Variants in FAM110B observed in about 807,000 individuals in gnomAD.
FAM110B encodes family with sequence similarity 110 member B.
FAM110B carries 6 observed loss-of-function variants against 20.4 expected under a neutral mutation model. That is an observed-to-expected ratio of 0.29 (90% CI 0.16 to 0.58). The LOEUF (loss-of-function observed/expected upper bound fraction) is 0.58, where lower values mean the gene tolerates loss of function less well. FAM110B is among the 20% of genes least tolerant of loss of function. FAM110B has a pLI of 0.90. For missense variants in FAM110B, 434 were observed against 498.2 expected (o/e 0.87, Z 1.23); for synonymous variants, 226 against 214.1 (o/e 1.06, Z -0.49).
At chr8:57,995,466 T>C (rs1047316019) in intron 1 of FAM110B, among the ~76,000 whole-genome samples, 28 of 152,188 alleles carry the variant, frequency 1.8e-4, no homozygotes, top group Non-Finnish European at 1.9e-4. Context: ...AATTAAATTC[T>C]CCTTGGCTCA....
At chr8:58,113,378 T>TGGGAATGACAG (rs1807113316) in intron 3 of FAM110B, 1 of 217,134 alleles carries the variant, frequency 4.6e-6, no homozygotes, top group Admixed American at 4.2e-5. Context: ...ACCTGCTCAG[T>TGGGAATGACAG]GTAGATGACA....
In FAM110B at chr8:58,018,038, G is replaced by A. The variant is rs1804674533; in HGVS notation, c.-511-13568G>A. Among the ~76,000 whole-genome samples the A allele has an allele frequency of 2.0e-5, 3 of 152,142 alleles. No individual in the cohort carries two copies. The South Asian group carries it at 6.2e-4, about 32-fold the overall frequency. On this transcript the variant is annotated intron_variant, in intron 1 of 3. Transcript: ENST00000519262. Reference sequence around the variant, plus strand: ...TCATTTTATCCCCAAAACCAAAAATGTTATTGTTTTTGTATTTCACAGGGC... The same window carrying A: ...TCATTTTATCCCCAAAACCAAAAATATTATTGTTTTTGTATTTCACAGGGC...
intron 3 of FAM110B, among the ~76,000 whole-genome samples, chr8:58,075,962 A>C (rs527292937): frequency 6.6e-6 from 1 of 152,114 alleles, no homozygotes; most frequent in Non-Finnish European, 1.5e-5. Flanking sequence ...GTTTTAAAGA[A>C]AATTTTATTT....
intron 3 of FAM110B, among the ~76,000 whole-genome samples, chr8:58,125,338 A>G (rs1224200166): frequency 2.0e-5 from 3 of 151,688 alleles, no homozygotes; most frequent in African/African-American, 4.8e-5. Context: ...ACAGAGAAAG[A>G]AAAAAAAAGA....
In FAM110B at chr8:58,037,771, G is replaced by C. The variant is rs1014256686; in HGVS notation, c.-414+6068G>C. Among the ~76,000 whole-genome samples, 13 of 152,026 alleles carry C rather than the reference G, an allele frequency of 8.6e-5. No homozygotes were observed. The East Asian group carries it at 2.3e-3, about 27-fold the overall frequency. Reference sequence around the variant, plus strand: ...TCTCTTTTCAGTGAGTACTGTCTTTGGCAATGTTTTCTGACTTGTTTCCTA... The same window carrying C: ...TCTCTTTTCAGTGAGTACTGTCTTTCGCAATGTTTTCTGACTTGTTTCCTA... On this transcript the variant is annotated intron_variant, in intron 2 of 3. Transcript: ENST00000519262.
intron 3 of FAM110B, among the ~76,000 whole-genome samples, chr8:58,096,299 C>T (rs1299895845): frequency 2.0e-5 from 3 of 152,072 alleles, no homozygotes; most frequent in Non-Finnish European, 4.4e-5. Context: ...CCTCAGTCTC[C>T]CGAGTAGCTG....
intron 1 of FAM110B, among the ~76,000 whole-genome samples, chr8:57,996,745 A>G (rs1161655247): frequency 1.3e-5 from 2 of 152,190 alleles, no homozygotes; most frequent in Admixed American, 6.5e-5. Context: ...CCAATTCCCA[A>G]TGGAAAGAAC....
intron 3 of FAM110B, among the ~76,000 whole-genome samples, chr8:58,079,809 T>C (rs867358835): frequency 8.5e-5 from 13 of 152,112 alleles, no homozygotes; most frequent in African/African-American, 1.7e-4. Context: ...ATTTGACATA[T>C]TAAAATTTTT....
At chr8:58,036,058 G>T (rs1351237241) in intron 2 of FAM110B, among the ~76,000 whole-genome samples, 1 of 152,190 alleles carries the variant, frequency 6.6e-6, no homozygotes, top group Non-Finnish European at 1.5e-5. Context: ...TGTTTCTGCA[G>T]TGGTGACTTG....
intron 2 of FAM110B, among the ~76,000 whole-genome samples, chr8:58,036,226 G>C (rs1004974148): frequency 6.6e-6 from 1 of 152,166 alleles, no homozygotes; most frequent in African/African-American, 2.4e-5. Flanking sequence ...GCTAATTTGG[G>C]ATGAAAACAT....
intron 1 of FAM110B, among the ~76,000 whole-genome samples, chr8:58,028,156 T>C (rs1804889053): frequency 6.6e-6 from 1 of 152,202 alleles, no homozygotes; most frequent in African/African-American, 2.4e-5. Flanking sequence ...CAGGCTGGAG[T>C]GCAGTGCTGC....
intron 3 of FAM110B, among the ~76,000 whole-genome samples, chr8:58,108,693 C>G (rs760276304): frequency 2.0e-5 from 3 of 152,190 alleles, no homozygotes; most frequent in Admixed American, 6.5e-5. Flanking sequence ...CTGTCTCATC[C>G]GGGGGCGGTG....
At chr8:58,092,912 T>C (rs1360146830) in intron 3 of FAM110B, among the ~76,000 whole-genome samples, 1 of 152,202 alleles carries the variant, frequency 6.6e-6, no homozygotes, top group African/African-American at 2.4e-5. Context: ...GTATCTATTG[T>C]TTCCTGATTT....
At chr8:58,106,384 A>T (rs1405954067) in intron 3 of FAM110B, 1 of 152,204 alleles carries the variant, frequency 6.6e-6, no homozygotes, top group African/African-American at 2.4e-5. Flanking sequence ...ACCAAGAGTG[A>T]TAACTCATGT....
At chr8:58,108,058 A>G (rs1265890178) in intron 3 of FAM110B, among the ~76,000 whole-genome samples, 1 of 152,208 alleles carries the variant, frequency 6.6e-6, no homozygotes, top group Admixed American at 6.5e-5. Flanking sequence ...CCAGGGGAAG[A>G]GGGCCCTTCT....
chr8:58,058,158 T>C (rs1805585432), intron 2 of FAM110B, among the ~76,000 whole-genome samples: 1 of 152,254 alleles, frequency 6.6e-6, no homozygotes, highest in Admixed American at 6.5e-5. Flanking sequence ...ATGAAATTGC[T>C]ATAGTGACAG....
chr8:58,118,204 T>G (rs16923060), intron 3 of FAM110B, among the ~76,000 whole-genome samples: 1 of 152,062 alleles, frequency 6.6e-6, no homozygotes, highest in African/African-American at 2.4e-5. Context: ...TATTTCTCCT[T>G]TCTCCACTGA....
At position 58,050,509 on chromosome 8, in the gene FAM110B, G is replaced by A. The variant is rs370607683; in HGVS notation, c.-414+18806G>A. ...TGCTCCTGAGCTCATTCAGGTTGTC[G>A]GCAGGGCTGAGGTCCGTGTTTCCTG... On this transcript the variant is annotated intron_variant, in intron 2 of 3. Coordinates refer to ENST00000519262, the MANE Select transcript of FAM110B (RefSeq NM_001377989.1). Among the ~76,000 whole-genome samples, 6 of 152,254 alleles carry A rather than the reference G, an allele frequency of 3.9e-5. No individual in the cohort carries two copies. In the East Asian group the frequency reaches 9.7e-4, roughly 25 times the overall value.
chr8:58,089,553 G>T (rs946115417), intron 3 of FAM110B, among the ~76,000 whole-genome samples: 3 of 152,102 alleles, frequency 2.0e-5, no homozygotes, highest in Non-Finnish European at 4.4e-5. Flanking sequence ...ATTTGATTTG[G>T]TGTGATAAAT....
Sources: gnomAD v4.1 joint callset for allele counts (sites outside exome capture counted in the v4.1 genomes callset) on GRCh38, gnomAD v4.1.1 for gene constraint, MANE v1.5 for transcripts, NCBI Gene and HGNC (gene_info 2026-07-23, HGNC 2026-07-21) for gene names.